The following ADAM22 variants were observed in gnomAD, a reference collection of about 807,000 sequenced individuals.
The protein encoded by ADAM22 is ADAM metallopeptidase domain 22, also known as disintegrin and metalloproteinase domain-containing protein 22.
ADAM22 carries 65 observed loss-of-function variants against 144.6 expected under a neutral mutation model. The observed-to-expected ratio is 0.45, with a 90% CI of 0.37 to 0.55. The LOEUF is 0.55. ADAM22 is among the 20% of genes least tolerant of loss of function. The pLI, the probability that ADAM22 is intolerant of heterozygous loss-of-function variation, is 0.00. For synonymous variants in ADAM22, 391 were observed against 412.6 expected, an observed-to-expected ratio of 0.95 and a Z score of 0.63; for missense variants, 974 against 1,184.9, an observed-to-expected ratio of 0.82 and a Z score of 2.61.
chr7:88,090,519 A>G (rs1377801062), intron 4 of ADAM22, among the ~76,000 whole-genome samples: 1 of 152,202 alleles, frequency 6.6e-6, no homozygotes, highest in Non-Finnish European at 1.5e-5. Context: ...ATGAAACTAA[A>G]ATGACTTTAA....
At chr7:87,997,780 G>C (rs1357021439) in intron 3 of ADAM22, among the ~76,000 whole-genome samples, 1 of 152,168 alleles carries the variant, frequency 6.6e-6, no homozygotes, top group Non-Finnish European at 1.5e-5. Context: ...CAAGTCTTCT[G>C]CCTTCCTCTT....
intron 3 of ADAM22, among the ~76,000 whole-genome samples, chr7:88,067,091 G>A (rs1285509191): frequency 6.6e-6 from 1 of 151,990 alleles, no homozygotes; most frequent in African/African-American, 2.4e-5. Context: ...AAGTAAGTCT[G>A]GCAATTTTAC....
chr7:87,991,688 A>G (rs551623524), intron 3 of ADAM22, among the ~76,000 whole-genome samples: 20 of 152,288 alleles, frequency 1.3e-4, no homozygotes, highest in South Asian at 8.3e-4. Context: ...TTAATCAAGT[A>G]TTGAACCAAC....
intron 30 of ADAM22, among the ~76,000 whole-genome samples, chr7:88,189,809 T>C (rs1323497041): frequency 6.6e-6 from 1 of 152,074 alleles, no homozygotes; most frequent in East Asian, 1.9e-4. Flanking sequence ...CTGGGTATGG[T>C]GGTGTGCGCT....
rs1448144518 is a variant in ADAM22 at position 88,040,525 on chromosome 7, C to G, written c.324-35101C>G. ...CTGTAAGTGGTTCTGTCTATACTTC[C>G]CCTGTCATCCAAGTTTATTAAATAT... On this transcript the variant is annotated intron_variant, in intron 3 of 31. Transcript: ENST00000413139. 1.3e-5 allele frequency among the ~76,000 whole-genome samples: 2 copies of G among 152,012 alleles called. 1 individual carries two copies.
intron 4 of ADAM22, among the ~76,000 whole-genome samples, chr7:88,095,767 G>A (rs1447549758): frequency 1.3e-5 from 2 of 152,118 alleles, no homozygotes; most frequent in Non-Finnish European, 2.9e-5. Flanking sequence ...ACATAGTTCA[G>A]TGTTTTGCTA....
At chr7:87,978,504 T>C in intron 3 of ADAM22, 92 bp downstream of exon 3, 7 of 1,035,288 alleles carry the variant, frequency 6.8e-6, no homozygotes, top group Non-Finnish European at 1.0e-5. Flanking sequence ...TATTTTACTT[T>C]GTCTTCCTAT....
At chr7:88,138,586 T>C (rs1474129887) in intron 14 of ADAM22, among the ~76,000 whole-genome samples, 1 of 152,214 alleles carries the variant, frequency 6.6e-6, no homozygotes, top group Non-Finnish European at 1.5e-5. Flanking sequence ...TACAGCTAAA[T>C]ATTAGAAAGC....
rs1818234139 is a variant in ADAM22 at position 88,085,606 on chromosome 7, C to T, written c.390+9914C>T. Among the ~76,000 whole-genome samples, 4 of 152,146 alleles carry T rather than the reference C, an allele frequency of 2.6e-5. No individual in the cohort carries two copies. In the South Asian group the frequency reaches 6.2e-4, roughly 24 times the overall value. The stretch of plus-strand genomic sequence containing the variant: ...AGATTGCAATTTTATTTTTAAAAAC[C>T]TATATGGTAAAATATACAACTGACA... On this transcript the variant is annotated intron_variant, in intron 4 of 31. Coordinates refer to ENST00000413139, the MANE Select transcript of ADAM22 (RefSeq NM_001324418.2).
intron 22 of ADAM22, among the ~76,000 whole-genome samples, chr7:88,160,770 G>A (rs1586340476): frequency 6.6e-6 from 1 of 152,114 alleles, no homozygotes; most frequent in Admixed American, 6.6e-5. Flanking sequence ...ATACACCATG[G>A]AATACTATGC....
chr7:88,050,609 GTGA>G (rs1806042658), intron 3 of ADAM22, among the ~76,000 whole-genome samples: 1 of 152,138 alleles, frequency 6.6e-6, no homozygotes, highest in African/African-American at 2.4e-5. Context: ...CTGATGGCCA[GTGA>G]TGATGAGCAT....
chr7:88,187,188 T>C lies in ADAM22; in HGVS notation c.2750+487T>C, dbSNP rs17150342. Among the ~76,000 whole-genome samples the C allele has an allele frequency of 5.1e-3, 780 of 152,268 alleles. 10 individuals are homozygous for C. Among genetic ancestry groups the C allele is most frequent in the African/African-American group, 0.018 (749 of 41,542 alleles). On this transcript the variant is annotated intron_variant, in intron 30 of 31. Coordinates refer to ENST00000413139, the MANE Select transcript of ADAM22 (RefSeq NM_001324418.2). ...GGGATTTTACTTGGAGTAGAAACAA[T>C]GATTTGGTCTAACTGGAAAATTACT... is the stretch of plus-strand genomic sequence containing the variant.
chr7:88,156,132 C>A (rs779806722), intron 22 of ADAM22, 126 bp downstream of exon 22: 14 of 949,366 alleles, frequency 1.5e-5, no homozygotes, highest in Admixed American at 2.8e-5. Flanking sequence ...TCTATAGAGA[C>A]GATTGAGTAA....
chr7:87,955,817 G>T (rs1055239052), intron 2 of ADAM22, among the ~76,000 whole-genome samples: 1 of 152,150 alleles, frequency 6.6e-6, no homozygotes, highest in Non-Finnish European at 1.5e-5. Flanking sequence ...TTACCTAAGC[G>T]AGCCTGGGCA....
intron 2 of ADAM22, among the ~76,000 whole-genome samples, chr7:87,970,369 A>G (rs549027742): frequency 2.7e-4 from 41 of 152,314 alleles, no homozygotes; most frequent in Admixed American, 9.8e-4. Context: ...TACCTAAAGT[A>G]CTGTTACATG....
At chr7:88,099,179 C>A (rs541689727) in intron 4 of ADAM22, among the ~76,000 whole-genome samples, 1 of 152,156 alleles carries the variant, frequency 6.6e-6, no homozygotes, top group Non-Finnish European at 1.5e-5. Context: ...GATGGAAAAT[C>A]CAAGTTCAAC....
intron 6 of ADAM22, among the ~76,000 whole-genome samples, chr7:88,116,107 G>A (rs889676285): frequency 6.6e-5 from 10 of 152,118 alleles, no homozygotes; most frequent in Middle Eastern, 3.4e-3. Context: ...TGCCTGTCTT[G>A]TCACTTTGCT....
chr7:88,077,068 G>T (rs1814737854), intron 4 of ADAM22, among the ~76,000 whole-genome samples: 1 of 152,100 alleles, frequency 6.6e-6, no homozygotes, highest in Non-Finnish European at 1.5e-5. Flanking sequence ...TATTTATATA[G>T]TATCATATGT....
intron 3 of ADAM22, among the ~76,000 whole-genome samples, chr7:88,006,008 TTC>T (rs1327858776): frequency 6.6e-6 from 1 of 152,180 alleles, no homozygotes; most frequent in Non-Finnish European, 1.5e-5. Context: ...GCTGCATACT[TTC>T]TAATCATTTC....
Sources: gnomAD v4.1 joint callset for allele counts (sites outside exome capture counted in the v4.1 genomes callset) on GRCh38, gnomAD v4.1.1 for gene constraint, MANE v1.5 for transcripts, NCBI Gene and HGNC (gene_info 2026-07-23, HGNC 2026-07-21) for gene names.